ULK4: variants seen among roughly 807,000 people sequenced by gnomAD.
ULK4 encodes the protein unc-51 like kinase 4, also known as inactive serine/threonine-protein kinase ULK4.
In ULK4, 133 loss-of-function variants were observed where a neutral mutation model predicts 160.6. The observed-to-expected ratio is 0.83, with a 90% CI of 0.72 to 0.96. The LOEUF (loss-of-function observed/expected upper bound fraction) is 0.96. Among genes scored for constraint, ULK4 ranks in the 40% least tolerant of loss-of-function variants. The probability of loss-of-function intolerance (pLI) is 0.00; values close to 1 mark genes in which losing one functional copy is unlikely to be tolerated. For missense variants in ULK4, 1,580 were observed against 1,499.5 expected (o/e 1.05, Z -0.89); for synonymous variants, 534 against 539.8 (o/e 0.99, Z 0.15).
In ULK4 at chr3:41,292,180, A is replaced by G. The variant is rs117137091; in HGVS notation, c.3679-42606T>C. ...ATATTATTTATCAAAAAGTTTACAA[A>G]TAAATAATAATAACAATGGCAACAA... On this transcript the variant is annotated intron_variant, in intron 35 of 36. Coordinates refer to ENST00000301831, the MANE Select transcript of ULK4 (RefSeq NM_017886.4). Among the ~76,000 whole-genome samples the G allele has an allele frequency of 6.8e-4, 104 of 152,330 alleles. 2 individuals are homozygous for G. The East Asian group carries it at 0.019, about 28-fold the overall frequency.
intron 34 of ULK4, among the ~76,000 whole-genome samples, chr3:41,430,358 G>C (rs2082877160): frequency 6.6e-6 from 1 of 152,096 alleles, no homozygotes. Context: ...TTTATTCAGA[G>C]ACTGATCCAA....
intron 32 of ULK4, among the ~76,000 whole-genome samples, chr3:41,518,876 G>A (rs2085838276): frequency 6.6e-6 from 1 of 152,176 alleles, no homozygotes; most frequent in South Asian, 2.1e-4. Flanking sequence ...CACTATGAAA[G>A]CACTTACAGA....
At chr3:41,897,075 T>C in intron 14 of ULK4, 72 bp from the exon 15 acceptor site, 1 of 1,362,684 alleles carries the variant, frequency 7.3e-7, no homozygotes, top group South Asian at 1.4e-5. Flanking sequence ...ACATAAGAAA[T>C]AAACACAGAA....
At chr3:41,378,428 T>C (rs191511495) in intron 35 of ULK4, among the ~76,000 whole-genome samples, 2 of 151,658 alleles carry the variant, frequency 1.3e-5, no homozygotes, top group Admixed American at 6.6e-5. Context: ...CACTTACATA[T>C]ACACCATGGA....
chr3:41,453,525 A>G (rs1178764086), intron 34 of ULK4, among the ~76,000 whole-genome samples: 2 of 152,202 alleles, frequency 1.3e-5, no homozygotes. Context: ...ACTATATGCC[A>G]GGTCCTGTTC....
chr3:41,721,801 G>C (rs891011117), intron 22 of ULK4, among the ~76,000 whole-genome samples: 1 of 152,232 alleles, frequency 6.6e-6, no homozygotes, highest in East Asian at 1.9e-4. Context: ...CAGACAGCCC[G>C]ATTTGTAAGA....
chr3:41,741,413 C>T (rs180790305), intron 22 of ULK4, among the ~76,000 whole-genome samples: 143 of 151,954 alleles, frequency 9.4e-4, no homozygotes, highest in Non-Finnish European at 2.9e-4. Context: ...GAATATCCTT[C>T]CAGGTTAATC....
intron 17 of ULK4, among the ~76,000 whole-genome samples, chr3:41,849,082 G>C (rs543960413): frequency 2.6e-5 from 4 of 152,174 alleles, no homozygotes; most frequent in Non-Finnish European, 5.9e-5. Flanking sequence ...GCAGCCTGGA[G>C]TGCTGAGGTT....
intron 8 of ULK4, chr3:41,913,254 C>T (rs1361700285): frequency 7.2e-6 from 1 of 138,054 alleles, no homozygotes; most frequent in African/African-American, 3.2e-5. Flanking sequence ...GAGACGGAGG[C>T]TGGCTCTGTC....
intron 21 of ULK4, among the ~76,000 whole-genome samples, chr3:41,761,257 A>G (rs2038973703): frequency 6.6e-6 from 1 of 150,680 alleles, no homozygotes; most frequent in South Asian, 2.1e-4. Context: ...TTCATTATAC[A>G]TAAATTTAAA....
chr3:41,437,199 G>A (rs1351998889), intron 34 of ULK4, among the ~76,000 whole-genome samples: 5 of 152,138 alleles, frequency 3.3e-5, no homozygotes, highest in Non-Finnish European at 7.4e-5. Context: ...TGAGAAACTC[G>A]GAGTTGCAGA....
intron 30 of ULK4, among the ~76,000 whole-genome samples, chr3:41,644,933 T>C (rs1361996798): frequency 6.6e-6 from 1 of 152,172 alleles, no homozygotes; most frequent in African/African-American, 2.4e-5. Context: ...AGGGTGTATG[T>C]GTCGAGGAAT....
At chr3:41,580,372 ATTTAT>A (rs1182816224) in intron 31 of ULK4, among the ~76,000 whole-genome samples, 2 of 150,306 alleles carry the variant, frequency 1.3e-5, no homozygotes, top group African/African-American at 5.0e-5. Context: ...TAAACCAATT[ATTTAT>A]TTTTTTTTTT....
intron 35 of ULK4, chr3:41,258,585 G>C (rs1211204167): frequency 6.6e-6 from 1 of 152,186 alleles, no homozygotes; most frequent in African/African-American, 2.4e-5. Flanking sequence ...ATGTACTATA[G>C]CAGAGGTTCC....
intron 12 of ULK4, among the ~76,000 whole-genome samples, chr3:41,901,479 C>CTGTTTTTTTTTTTTTTTTTTTTT: frequency 1.3e-4 from 3 of 22,542 alleles, no homozygotes; most frequent in South Asian, 7.3e-3. Flanking sequence ...CACGCCCAGC[C>CTGTTTTTTTTTTTTTTTTTTTTT]TTTTTTTTTT....
chr3:41,766,075 C>A (rs1449501918), intron 21 of ULK4, among the ~76,000 whole-genome samples: 1 of 151,982 alleles, frequency 6.6e-6, no homozygotes, highest in Non-Finnish European at 1.5e-5. Context: ...TCAAGACCAG[C>A]CTGGCCAAGA....
Position 41,539,650 on chromosome 3 carries a change from T to C in ULK4, c.3226+26375A>G, listed in dbSNP as rs537472217. Among the ~76,000 whole-genome samples the C allele has an allele frequency of 3.0e-4, 46 of 152,300 alleles. No homozygotes were observed. The East Asian group carries it at 3.3e-3, about 11-fold the overall frequency. ...GTGTAAGTAAGGACCCTGACAATTA[T>C]AGCTTCATTGGCTTCATGGTAAATC... On this transcript the variant is annotated intron_variant, in intron 32 of 36. Coordinates refer to ENST00000301831, the MANE Select transcript of ULK4 (RefSeq NM_017886.4).
chr3:41,740,383 G>A (rs1359054164), intron 22 of ULK4, among the ~76,000 whole-genome samples: 4 of 151,686 alleles, frequency 2.6e-5, no homozygotes, highest in African/African-American at 9.7e-5. Context: ...TTCAGCTCAC[G>A]GCAAACCTAT....
At chr3:41,911,252 A>G in intron 11 of ULK4, 65 bp downstream of exon 11, 1 of 1,489,368 alleles carries the variant, frequency 6.7e-7, no homozygotes. Context: ...GCACCAAGAT[A>G]GCAGATGCTT....
Sources: allele counts gnomAD v4.1 joint callset (sites outside exome capture counted in the v4.1 genomes callset), GRCh38; gene constraint gnomAD v4.1.1; transcripts MANE v1.5; gene names NCBI Gene and HGNC (gene_info 2026-07-23, HGNC 2026-07-21).